ERC2: variants seen among roughly 807,000 people sequenced by gnomAD.
The protein encoded by ERC2 is ELKS/RAB6-interacting/CAST family member 2.
In ERC2, 42 loss-of-function variants were observed where a neutral mutation model predicts 114.8. That is an observed-to-expected ratio of 0.37 (90% CI 0.29 to 0.47). The LOEUF (loss-of-function observed/expected upper bound fraction) is 0.47. Among genes scored for constraint, ERC2 ranks in the 20% least tolerant of loss-of-function variants. ERC2 has a pLI of 0.99. For synonymous variants in ERC2, 454 were observed against 425.5 expected (o/e 1.07, Z -0.82); for missense variants, 939 against 1,150.7 (o/e 0.82, Z 2.66).
At chr3:55,980,662 T>G (rs2070052254) in intron 12 of ERC2, among the ~76,000 whole-genome samples, 1 of 152,126 alleles carries the variant, frequency 6.6e-6, no homozygotes, top group South Asian at 2.1e-4. Flanking sequence ...TCTTGAGAGA[T>G]TTACTATTTG....
intron 14 of ERC2, among the ~76,000 whole-genome samples, chr3:55,800,865 G>T (rs749081253): frequency 6.6e-6 from 1 of 152,108 alleles, no homozygotes; most frequent in African/African-American, 2.4e-5. Flanking sequence ...TTATTTCCCT[G>T]GTTCCCTCCC....
chr3:55,842,486 C>T (rs2061176317), intron 14 of ERC2, among the ~76,000 whole-genome samples: 1 of 152,142 alleles, frequency 6.6e-6, no homozygotes, highest in South Asian at 2.1e-4. Context: ...TGTCCGGCAC[C>T]CCTGCTATCT....
At chr3:55,746,162 T>G (rs936850222) in intron 14 of ERC2, among the ~76,000 whole-genome samples, 2 of 152,120 alleles carry the variant, frequency 1.3e-5, no homozygotes, top group Non-Finnish European at 2.9e-5. Flanking sequence ...GTGAGAAGAA[T>G]ATGTGCAGAA....
At chr3:55,691,802 T>C (rs558222543) in intron 16 of ERC2, among the ~76,000 whole-genome samples, 5 of 151,852 alleles carry the variant, frequency 3.3e-5, no homozygotes, top group Non-Finnish European at 5.9e-5. Flanking sequence ...AACATGAAGA[T>C]ATATTTATGT....
chr3:55,740,902 AC>A (rs1363962951), intron 14 of ERC2, among the ~76,000 whole-genome samples: 1 of 152,188 alleles, frequency 6.6e-6, no homozygotes, highest in Admixed American at 6.5e-5. Flanking sequence ...ACATTCAAAG[AC>A]AATGCTCATT....
intron 12 of ERC2, among the ~76,000 whole-genome samples, chr3:55,979,777 A>C (rs982159389): frequency 1.4e-5 from 2 of 137,972 alleles, no homozygotes; most frequent in African/African-American, 5.3e-5. Context: ...CCACCTCTGC[A>C]AAAAAAAAAA....
chr3:56,173,502 G>C lies in ERC2; in HGVS notation c.1093C>G (p.Gln365Glu). ...GTCTTGGCTGGCTCCGGCTGAAGTT[G>C]GCTTCTTCGGTGCAATTCCTGGGGA... ...HLREELHRRS[Q>E]LQPEPAKTKA... Residue 365 changes from glutamine (Q) to glutamate (E), a missense_variant, in exon 4 of 18, where the codon CAA (glutamine) becomes GAA (glutamate). This residue lies in a region of ERC2 where 148 missense variants were observed against 159.1 expected (regional missense o/e 0.93). Coordinates refer to ENST00000288221, the MANE Select transcript of ERC2 (RefSeq NM_015576.3). 6.2e-7 allele frequency: 1 copy of C among 1,613,856 alleles called. No homozygotes were observed. Among genetic ancestry groups the C allele is most frequent in the East Asian group, 2.2e-5 (1 of 44,862 alleles).
Position 56,108,661 on chromosome 3 carries a change from T to G in ERC2, c.1474-27677A>C, listed in dbSNP as rs1319524590. Among the ~76,000 whole-genome samples the G allele has an allele frequency of 1.3e-5, 2 of 152,150 alleles. 1 individual carries two copies. The highest frequency in any genetic ancestry group is 4.8e-5 in the African/African-American group (2 of 41,442). ...AATCAATTCTCCCTAAGTTAATTTATAGATTGAATGTACCCTATAGATGAT... is the reference window on the plus strand; with the variant it reads ...AATCAATTCTCCCTAAGTTAATTTAGAGATTGAATGTACCCTATAGATGAT... On this transcript the variant is annotated intron_variant, in intron 6 of 17. Transcript: ENST00000288221.
At chr3:56,284,262 T>C (rs2054538579) in intron 3 of ERC2, among the ~76,000 whole-genome samples, 1 of 152,178 alleles carries the variant, frequency 6.6e-6, no homozygotes, top group Admixed American at 6.5e-5. Flanking sequence ...AAATAAAGGT[T>C]TCAATTGCAT....
chr3:55,566,496 A>G (rs1376376429), intron 17 of ERC2, among the ~76,000 whole-genome samples: 1 of 151,896 alleles, frequency 6.6e-6, no homozygotes, highest in African/African-American at 2.4e-5. Flanking sequence ...CAATGGTACA[A>G]TCTCCACTCA....
rs73830654 is a variant in ERC2 at position 55,573,608 on chromosome 3, T to C, written c.*40-62332A>G. Among the ~76,000 whole-genome samples the C allele has an allele frequency of 6.7e-3, 1,020 of 152,216 alleles. 11 individuals are homozygous for C. The highest frequency in any genetic ancestry group is 0.022 in the African/African-American group (931 of 41,516). On this transcript the variant is annotated intron_variant, in intron 17 of 17. Transcript: ENST00000288221. The stretch of plus-strand genomic sequence containing the variant: ...CCGCTCCTCATGTGGTTCGTCACAA[T>C]TTTTATGACTTTCTTTTCCATTTGC...
chr3:56,072,761 A>G (rs1176699803), intron 7 of ERC2, among the ~76,000 whole-genome samples: 1 of 152,224 alleles, frequency 6.6e-6, no homozygotes, highest in Non-Finnish European at 1.5e-5. Flanking sequence ...TATTTTTCAA[A>G]TGACTGCAAT....
At chr3:56,367,224 G>T (rs1459803243) in intron 2 of ERC2, among the ~76,000 whole-genome samples, 4 of 150,560 alleles carry the variant, frequency 2.7e-5, no homozygotes, top group Non-Finnish European at 5.9e-5. Context: ...AGGGGCTTAG[G>T]GGAAAAAGGG....
intron 13 of ERC2, among the ~76,000 whole-genome samples, chr3:55,948,216 A>AT (rs1156488932): frequency 6.6e-6 from 1 of 152,124 alleles, no homozygotes; most frequent in African/African-American, 2.4e-5. Flanking sequence ...TCTACATGAT[A>AT]TTTTTCTGGA....
intron 1 of ERC2, among the ~76,000 whole-genome samples, chr3:56,440,098 T>C (rs1055774467): frequency 3.3e-5 from 5 of 152,204 alleles, no homozygotes; most frequent in Non-Finnish European, 5.9e-5. Flanking sequence ...AACCAACTAA[T>C]AGATTATTAT....
At chr3:55,591,499 G>C (rs998578407) in intron 17 of ERC2, among the ~76,000 whole-genome samples, 2 of 152,070 alleles carry the variant, frequency 1.3e-5, no homozygotes, top group African/African-American at 4.8e-5. Context: ...GGCGAAGGCA[G>C]GGCTTGGAAG....
intron 1 of ERC2, among the ~76,000 whole-genome samples, chr3:56,454,525 G>A (rs1020973714): frequency 2.0e-5 from 3 of 152,170 alleles, no homozygotes; most frequent in South Asian, 2.1e-4. Flanking sequence ...GAAAACAACC[G>A]AAATGTCCAC....
chr3:55,543,038 T>C (rs1324214439), intron 17 of ERC2, among the ~76,000 whole-genome samples: 1 of 152,224 alleles, frequency 6.6e-6, no homozygotes, highest in Non-Finnish European at 1.5e-5. Context: ...TCCATATCTC[T>C]GGTGTTTCAC....
intron 14 of ERC2, among the ~76,000 whole-genome samples, chr3:55,815,038 C>G (rs948219126): frequency 6.6e-6 from 1 of 152,176 alleles, no homozygotes; most frequent in African/African-American, 2.4e-5. Flanking sequence ...TTGTTGTAAT[C>G]CCCTGTTTAG....
Sources: gnomAD v4.1 joint callset for allele counts (sites outside exome capture counted in the v4.1 genomes callset) on GRCh38, gnomAD v4.1.1 for gene constraint, gnomAD v4.1.1 regional missense constraint, MANE v1.5 for transcripts, NCBI Gene and HGNC (gene_info 2026-07-23, HGNC 2026-07-21) for gene names.